The following LAMA1 variants were observed in gnomAD, a reference collection of about 807,000 sequenced individuals.
The protein encoded by LAMA1 is laminin subunit alpha 1, also known as laminin subunit alpha-1.
LAMA1 carries 219 observed loss-of-function variants against 348.7 expected under a neutral mutation model. The ratio of observed to expected loss-of-function variants is 0.63; its 90% CI spans 0.56 to 0.70. The LOEUF (loss-of-function observed/expected upper bound fraction) is 0.70. Among genes scored for constraint, LAMA1 ranks in the 30% least tolerant of loss-of-function variants. The probability of loss-of-function intolerance (pLI) is 0.00; values close to 1 mark genes in which losing one functional copy is unlikely to be tolerated. For synonymous variants in LAMA1, 1,487 were observed against 1,491.0 expected (o/e 1.00, Z 0.06); for missense variants, 3,744 against 3,888.0 (o/e 0.96, Z 0.99).
intron 3 of LAMA1, among the ~76,000 whole-genome samples, chr18:7,068,923 C>G (rs1245677577): frequency 7.1e-6 from 1 of 140,888 alleles, no homozygotes; most frequent in Non-Finnish European, 1.5e-5. Context: ...TCAGAACGGA[C>G]TTCCCTTTTT....
At chr18:6,948,632 C>T in intron 59 of LAMA1, 76 bp from the exon 60 acceptor site, 1 of 636,152 alleles carries the variant, frequency 1.6e-6, no homozygotes, top group Non-Finnish European at 2.5e-6. Context: ...CCTTCCACTT[C>T]ATCAGACTGG....
intron 29 of LAMA1, among the ~76,000 whole-genome samples, chr18:7,004,590 G>A (rs973617995): frequency 3.9e-5 from 6 of 152,160 alleles, no homozygotes; most frequent in Non-Finnish European, 7.3e-5. Flanking sequence ...AGCCCCAGGT[G>A]ATCCGCCCAC....
chr18:6,950,630 C>T lies in LAMA1; in HGVS notation c.8397+152G>A, dbSNP rs184551245. 257 of 893,484 alleles carry T rather than the reference C, an allele frequency of 2.9e-4. No homozygotes were observed. In the East Asian group the frequency reaches 5.8e-3, roughly 20 times the overall value. The allele number at this position is 893,484 out of a possible 1,614,324, so 55.3% of individuals were successfully genotyped here. On this transcript the variant is annotated intron_variant, in intron 58 of 62. Transcript: ENST00000389658. Reference sequence around the variant, plus strand: ...TTTCGGAAGCAGAAAAGATCCCTGCCTTCAAGACTTGTAGTCTCTGGGGGA... The same window carrying T: ...TTTCGGAAGCAGAAAAGATCCCTGCTTTCAAGACTTGTAGTCTCTGGGGGA...
Position 7,055,453 on chromosome 18 carries a change from CAAA to C in LAMA1, c.346-4520_346-4518del, listed in dbSNP as rs57670126. 1.8e-3 allele frequency among the ~76,000 whole-genome samples: 112 copies of C among 61,754 alleles called. 1 individual carries two copies. The highest frequency in any genetic ancestry group is 6.1e-3 in the African/African-American group (107 of 17,624). The allele number at this position is 61,754 out of a possible 152,430, so 40.5% of individuals were successfully genotyped here. A position where few individuals can be genotyped will look rare whatever the true frequency, so the allele number is the denominator to read the frequency against. ...TGGGTGACAGAGTGAAACTCCGTCT[CAAA>C]AAAAAAAAAAAAAAAAAAAAATTTA... On this transcript the variant is annotated intron_variant, in intron 3 of 62. Coordinates refer to ENST00000389658, the MANE Select transcript of LAMA1 (RefSeq NM_005559.4).
intron 1 of LAMA1, among the ~76,000 whole-genome samples, chr18:7,110,341 G>T (rs1451881920): frequency 6.6e-6 from 1 of 152,098 alleles, no homozygotes; most frequent in Non-Finnish European, 1.5e-5. Context: ...TGGATAAGGG[G>T]ATACAGAAAA....
chr18:7,015,634 G>T, intron 22 of LAMA1, 88 bp downstream of exon 22: 26 of 1,370,466 alleles, frequency 1.9e-5, no homozygotes, highest in Non-Finnish European at 2.6e-5. Context: ...ACAGATTAAA[G>T]TCCAGAAAAT....
intron 19 of LAMA1, among the ~76,000 whole-genome samples, chr18:7,022,272 G>A (rs1176892048): frequency 1.3e-5 from 2 of 152,194 alleles, no homozygotes; most frequent in Non-Finnish European, 2.9e-5. Context: ...AAGGCTTGCA[G>A]TAATGATGAA....
intron 36 of LAMA1, among the ~76,000 whole-genome samples, chr18:6,986,989 C>T (rs941002313): frequency 6.6e-6 from 1 of 152,142 alleles, no homozygotes; most frequent in South Asian, 2.1e-4. Context: ...AAACTCCTGA[C>T]CTCAGGTGAC....
intron 41 of LAMA1, among the ~76,000 whole-genome samples, chr18:6,981,102 CAAA>C (rs1216591782): frequency 5.2e-5 from 4 of 76,730 alleles, no homozygotes; most frequent in Non-Finnish European, 5.6e-5. Flanking sequence ...GACTCCGTCT[CAAA>C]AAAAAAAAAA....
At chr18:7,030,827 T>C (rs1384200011) in intron 16 of LAMA1, among the ~76,000 whole-genome samples, 2 of 151,248 alleles carry the variant, frequency 1.3e-5, no homozygotes, top group East Asian at 2.0e-4. Context: ...CAGCCTGCTG[T>C]ACCCCCCACC....
At chr18:6,943,491 T>A in intron 61 of LAMA1, 89 bp from the exon 62 acceptor site, 1 of 1,095,298 alleles carries the variant, frequency 9.1e-7, no homozygotes, top group East Asian at 2.4e-5. Context: ...ATTGCAGCAT[T>A]ATGTTTAAAA....
intron 19 of LAMA1, 139 bp downstream of exon 19, chr18:7,023,023 CAG>C (rs2057925000): frequency 1.1e-6 from 1 of 884,918 alleles, no homozygotes; most frequent in African/African-American, 1.7e-5. Flanking sequence ...TGTATTTGAT[CAG>C]AGACCCAGCA....
chr18:7,069,363 C>A (rs753604091), intron 3 of LAMA1, among the ~76,000 whole-genome samples: 14 of 152,128 alleles, frequency 9.2e-5, no homozygotes, highest in Non-Finnish European at 1.9e-4. Context: ...GACAGGGGTG[C>A]GGCCCCTACA....
chr18:7,098,447 C>T (rs1248299376), intron 1 of LAMA1, among the ~76,000 whole-genome samples: 2 of 151,100 alleles, frequency 1.3e-5, no homozygotes, highest in African/African-American at 4.9e-5. Context: ...AAGTGAGGAG[C>T]GTCCCTGCCC....
intron 3 of LAMA1, among the ~76,000 whole-genome samples, chr18:7,070,955 GC>G (rs1197787129): frequency 6.7e-6 from 1 of 150,138 alleles, no homozygotes; most frequent in Non-Finnish European, 1.5e-5. Context: ...ATCAGCCACT[GC>G]AAAAGCATGA....
At chr18:7,040,041 G>A (rs1438128898) in intron 10 of LAMA1, 35 bp downstream of exon 10, 1 of 1,612,376 alleles carries the variant, frequency 6.2e-7, no homozygotes, top group East Asian at 2.2e-5. Context: ...GAAGCTCAAA[G>A]GAAGCTCAGG....
chr18:7,000,034 T>A, intron 30 of LAMA1, 37 bp from the exon 31 acceptor site: 1 of 1,458,982 alleles, frequency 6.9e-7, no homozygotes. Flanking sequence ...TTTTCAGATA[T>A]ACAATTTCCA....
intron 53 of LAMA1, chr18:6,959,941 ATT>A (rs1181453183): frequency 1.2e-5 from 3 of 247,358 alleles, no homozygotes; most frequent in Non-Finnish European, 2.4e-5. Flanking sequence ...AAAGCTTTTA[ATT>A]TTTTTTCGAC....
intron 1 of LAMA1, among the ~76,000 whole-genome samples, chr18:7,099,028 G>C (rs11081300): frequency 8.6e-5 from 13 of 151,752 alleles, no homozygotes; most frequent in South Asian, 2.1e-4. Flanking sequence ...AATAGAAAGG[G>C]GGGAAAGGCG....
Sources: gnomAD v4.1 joint callset for allele counts (sites outside exome capture counted in the v4.1 genomes callset) on GRCh38, gnomAD v4.1.1 for gene constraint, MANE v1.5 for transcripts, NCBI Gene and HGNC (gene_info 2026-07-23, HGNC 2026-07-21) for gene names.